Variants in TNFRSF10D observed in about 807,000 individuals in gnomAD.
TNFRSF10D encodes TNF receptor superfamily member 10d.
TNFRSF10D carries 28 observed loss-of-function variants against 42.1 expected under a neutral mutation model. The ratio of observed to expected loss-of-function variants is 0.66; its 90% CI spans 0.49 to 0.91. The LOEUF is 0.91. Among genes scored for constraint, TNFRSF10D ranks in the 40% least tolerant of loss-of-function variants. TNFRSF10D has a pLI of 0.00. For synonymous variants in TNFRSF10D, 186 were observed against 189.4 expected (o/e 0.98, Z 0.15); for missense variants, 503 against 486.1 (o/e 1.03, Z -0.33).
At chr8:23,144,895 A>AAAATGGCTC (rs1230135575) in intron 6 of TNFRSF10D, among the ~76,000 whole-genome samples, 163 bp downstream of exon 6, 1 of 152,106 alleles carries the variant, frequency 6.6e-6, no homozygotes, top group Non-Finnish European at 1.5e-5. Context: ...TGTGCTGCTC[A>AAAATGGCTC]AAATGGCCGT....
chr8:23,145,357 C>G (rs920439634), intron 5 of TNFRSF10D, among the ~76,000 whole-genome samples: 3 of 152,242 alleles, frequency 2.0e-5, no homozygotes, highest in African/African-American at 7.2e-5. Flanking sequence ...CTCATCCTGA[C>G]CCTTGTCACC....
intron 1 of TNFRSF10D, among the ~76,000 whole-genome samples, chr8:23,158,164 A>C (rs1478748746): frequency 1.4e-5 from 2 of 145,478 alleles, no homozygotes; most frequent in Non-Finnish European, 3.0e-5. Flanking sequence ...TCCTGTTCTA[A>C]AGCTTTTTTA....
intron 7 of TNFRSF10D, among the ~76,000 whole-genome samples, chr8:23,143,024 T>C (rs1184205406): frequency 1.3e-5 from 2 of 150,378 alleles, no homozygotes; most frequent in Admixed American, 6.6e-5. Context: ...TAGCCCAGGC[T>C]GGAGTGCAGT....
intron 1 of TNFRSF10D, among the ~76,000 whole-genome samples, chr8:23,160,735 G>A (rs1364552382): frequency 6.6e-6 from 1 of 152,210 alleles, no homozygotes; most frequent in African/African-American, 2.4e-5. Context: ...CCTGGATACA[G>A]GACAGAGAAC....
Position 23,155,113 on chromosome 8 carries a change from T to C in TNFRSF10D, c.151-134A>G, listed in dbSNP as rs1800258328. ...ACTTTTTTCCCATTCCAAACTTTCA[T>C]TCTTTTGCATCCGTGTTTGTCCCCT... On this transcript the variant is annotated intron_variant, in intron 1 of 8. Coordinates refer to ENST00000312584, the MANE Select transcript of TNFRSF10D (RefSeq NM_003840.5). 1.3e-5 allele frequency: 9 copies of C among 679,480 alleles called. No homozygotes were observed. In the South Asian group the frequency reaches 2.0e-4, roughly 15 times the overall value. The allele number at this position is 679,480 out of a possible 1,614,324, so 42.1% of individuals were successfully genotyped here. A position where few individuals can be genotyped will look rare whatever the true frequency, so the allele number is the denominator to read the frequency against.
intron 7 of TNFRSF10D, among the ~76,000 whole-genome samples, chr8:23,143,878 C>A (rs898737923): frequency 3.3e-5 from 5 of 151,556 alleles, no homozygotes; most frequent in Admixed American, 1.3e-4. Flanking sequence ...TAAAAAAAAA[C>A]AAATGTGTGT....
chr8:23,159,054 T>C (rs553363788), intron 1 of TNFRSF10D, among the ~76,000 whole-genome samples: 22 of 152,306 alleles, frequency 1.4e-4, no homozygotes, highest in South Asian at 6.2e-4. Flanking sequence ...TCACATGGTA[T>C]GCATTCTGCT....
intron 7 of TNFRSF10D, among the ~76,000 whole-genome samples, chr8:23,140,790 T>C (rs951732770): frequency 6.6e-6 from 1 of 152,156 alleles, no homozygotes; most frequent in Non-Finnish European, 1.5e-5. Flanking sequence ...GTGCCTTTGC[T>C]CATCTTTCAC....
In TNFRSF10D at chr8:23,143,267, C is replaced by T. The variant is rs532838144; in HGVS notation, c.954+1183G>A. Reference sequence around the variant, plus strand: ...CTGGGATTACAGGCATGAGCCACGGCGCCCGGCCGACTGAGCACCTTTCTA... The same window carrying T: ...CTGGGATTACAGGCATGAGCCACGGTGCCCGGCCGACTGAGCACCTTTCTA... On this transcript the variant is annotated intron_variant, in intron 7 of 8. Transcript: ENST00000312584. Among the ~76,000 whole-genome samples, 8 of 150,252 alleles carry T rather than the reference C, an allele frequency of 5.3e-5. No homozygotes were observed. The East Asian group carries it at 5.9e-4, about 11-fold the overall frequency.
chr8:23,159,421 T>G (rs189655886), intron 1 of TNFRSF10D, among the ~76,000 whole-genome samples: 673 of 151,750 alleles, frequency 4.4e-3, no homozygotes, highest in African/African-American at 0.014. Flanking sequence ...GGCCAAGAGA[T>G]TACTGTGCAG....
intron 7 of TNFRSF10D, among the ~76,000 whole-genome samples, chr8:23,143,200 T>C (rs909668227): frequency 2.7e-5 from 4 of 150,850 alleles, no homozygotes; most frequent in Non-Finnish European, 5.9e-5. Context: ...ATGGTCTCCA[T>C]CTCTTGACCT....
At position 23,148,417 on chromosome 8, in the gene TNFRSF10D, A is replaced by C. The variant is rs767589805; in HGVS notation, c.370+21T>G. The stretch of plus-strand genomic sequence containing the variant: ...TCACTATGCACTCCACCTCTGGGCA[A>C]GGGGTCCACACATTCTGTACCTGAT... On this transcript the variant is annotated intron_variant, in intron 3 of 8. Transcript: ENST00000312584. The C allele has an allele frequency of 1.9e-6, 3 of 1,586,446 alleles. No individual in the cohort carries two copies. The East Asian group carries it at 6.8e-5, about 36-fold the overall frequency.
At chr8:23,156,868 G>A (rs935296815) in intron 1 of TNFRSF10D, among the ~76,000 whole-genome samples, 17 of 152,062 alleles carry the variant, frequency 1.1e-4, no homozygotes, top group African/African-American at 3.1e-4. Flanking sequence ...CACACAGTCC[G>A]TTTTGTCAGT....
intron 4 of TNFRSF10D, among the ~76,000 whole-genome samples, chr8:23,146,299 T>C (rs192056617): frequency 6.2e-3 from 948 of 152,116 alleles, no homozygotes; most frequent in African/African-American, 0.02. Flanking sequence ...TACAAGTGAG[T>C]CCTCGCCCCA....
In TNFRSF10D at chr8:23,145,969, C is replaced by T. The variant is rs780146701; in HGVS notation, c.483-48G>A. 4 of 1,612,540 alleles carry T rather than the reference C, an allele frequency of 2.5e-6. No individual in the cohort carries two copies. The East Asian group carries it at 8.9e-5, about 36-fold the overall frequency. ...ACAGGGACTCTTGATGGAAAGCTGG[C>T]CAGGTGGGATGAAAGAGGAGCCACC... On this transcript the variant is annotated intron_variant, in intron 4 of 8. Coordinates refer to ENST00000312584, the MANE Select transcript of TNFRSF10D (RefSeq NM_003840.5).
At chr8:23,148,679 T>C (rs1032252037) in intron 2 of TNFRSF10D, 128 bp from the exon 3 acceptor site, 11 of 604,986 alleles carry the variant, frequency 1.8e-5, no homozygotes, top group South Asian at 1.9e-5. Flanking sequence ...CTTGGCTTGG[T>C]CTTGTCATCA....
In TNFRSF10D at chr8:23,144,644, G is replaced by A. The variant is rs748698370; in HGVS notation, c.769-9C>T. 13 of 1,611,020 alleles carry A rather than the reference G, an allele frequency of 8.1e-6. No individual in the cohort carries two copies. The East Asian group carries it at 2.5e-4, about 30-fold the overall frequency. ...CGCCGCCGGAAAAGGACCTTGGGAA[G>A]ACAAAGAGCCCACTCAAGTCCACAC... On this transcript the variant is annotated splice_polypyrimidine_tract_variant and intron_variant, in intron 6 of 8. Transcript: ENST00000312584.
At chr8:23,158,958 C>T (rs1800320914) in intron 1 of TNFRSF10D, among the ~76,000 whole-genome samples, 1 of 152,188 alleles carries the variant, frequency 6.6e-6, no homozygotes, top group African/African-American at 2.4e-5. Context: ...ATGTAATCCT[C>T]TCTTCTGCTT....
chr8:23,149,315 G>GC (rs1800179340), intron 2 of TNFRSF10D, among the ~76,000 whole-genome samples: 1 of 151,178 alleles, frequency 6.6e-6, no homozygotes, highest in African/African-American at 2.4e-5. Flanking sequence ...TTGGCTCACT[G>GC]CAACCTCCAC....
Sources: allele counts gnomAD v4.1 joint callset (sites outside exome capture counted in the v4.1 genomes callset), GRCh38; gene constraint gnomAD v4.1.1; transcripts MANE v1.5; gene names NCBI Gene and HGNC (gene_info 2026-07-23, HGNC 2026-07-21).